The following CSMD1 variants were observed in gnomAD, a reference collection of about 807,000 sequenced individuals.
CSMD1 encodes the protein CUB and sushi domain-containing protein 1.
In CSMD1, 213 loss-of-function variants were observed where a neutral mutation model predicts 417.5. The ratio of observed to expected loss-of-function variants is 0.51; its 90% CI spans 0.46 to 0.57. CSMD1 has a LOEUF of 0.57. Among genes scored for constraint, CSMD1 ranks in the 20% least tolerant of loss-of-function variants. The probability of loss-of-function intolerance (pLI) is 0.00; values close to 1 mark genes in which losing one functional copy is unlikely to be tolerated. For missense variants in CSMD1, 6,923 were observed against 4,529.7 expected, an observed-to-expected ratio of 1.53 and a Z score of -15.17; for synonymous variants, 2,862 against 1,736.8, an observed-to-expected ratio of 1.65 and a Z score of -16.11.
chr8:4,142,946 C>G (rs1797269586), intron 3 of CSMD1, among the ~76,000 whole-genome samples: 1 of 149,708 alleles, frequency 6.7e-6, no homozygotes, highest in Non-Finnish European at 1.5e-5. Context: ...GCATCATAAA[C>G]AGAAATACCC....
intron 5 of CSMD1, among the ~76,000 whole-genome samples, chr8:3,847,690 G>A (rs948552723): frequency 6.6e-6 from 1 of 151,988 alleles, no homozygotes; most frequent in Non-Finnish European, 1.5e-5. Context: ...ACTCAGCCAT[G>A]GAAAAACTAA....
chr8:4,787,784 G>T, intron 1 of CSMD1: 1 of 1,573,130 alleles, frequency 6.4e-7, no homozygotes, highest in Non-Finnish European at 8.7e-7. Flanking sequence ...CTTGTTACAG[G>T]CCAGACTGAA....
chr8:3,990,025 A>T (rs1814626262), intron 5 of CSMD1, among the ~76,000 whole-genome samples: 1 of 152,226 alleles, frequency 6.6e-6, no homozygotes, highest in Non-Finnish European at 1.5e-5. Flanking sequence ...TGATTTGAGG[A>T]ATAAATGAGA....
intron 1 of CSMD1, among the ~76,000 whole-genome samples, chr8:4,813,492 G>A (rs187346268): frequency 1.3e-5 from 2 of 152,224 alleles, no homozygotes; most frequent in African/African-American, 2.4e-5. Context: ...ATCAGAAGCT[G>A]TCTGATTTGC....
rs1554439981 is a variant in CSMD1 at position 3,795,161 on chromosome 8, GATACCTATCATGTACAGCT to G, written c.819-41138_819-41120del. On this transcript the variant is annotated intron_variant, in intron 5 of 69. Coordinates refer to ENST00000635120, the MANE Select transcript of CSMD1 (RefSeq NM_033225.6). ...TAGATATCTATCATGTACAGCTATAGATACCTATCATGTACAGCTATAGATACCTATCATGTACAGATAT... is the reference window on the plus strand; with the variant it reads ...TAGATATCTATCATGTACAGCTATAGATAGATACCTATCATGTACAGATAT... Among the ~76,000 whole-genome samples, 587 of 72,564 alleles carry G rather than the reference GATACCTATCATGTACAGCT, an allele frequency of 8.1e-3. 48 individuals carry two copies. The highest frequency in any genetic ancestry group is 9.2e-3 in the Admixed American group (54 of 5,868). 47.6% of individuals were successfully genotyped at this position (72,564 alleles called of 152,430 possible).
At chr8:4,403,560 C>T (rs76448467) in intron 3 of CSMD1, among the ~76,000 whole-genome samples, 1 of 152,148 alleles carries the variant, frequency 6.6e-6, no homozygotes, top group Non-Finnish European at 1.5e-5. Context: ...CTCTTCCTTC[C>T]TGAAAGGCTT....
intron 1 of CSMD1, among the ~76,000 whole-genome samples, chr8:4,818,556 C>T (rs763054758): frequency 2.0e-5 from 3 of 152,184 alleles, no homozygotes; most frequent in Non-Finnish European, 4.4e-5. Flanking sequence ...CAGAGACACA[C>T]ACACATGTGC....
At chr8:3,273,465 T>C (rs1802030391) in intron 26 of CSMD1, among the ~76,000 whole-genome samples, 3 of 144,934 alleles carry the variant, frequency 2.1e-5, no homozygotes. Flanking sequence ...TTAGGGAGGA[T>C]TCCCTCTTTT....
chr8:4,358,335 G>A (rs903752926), intron 3 of CSMD1, among the ~76,000 whole-genome samples: 2 of 152,162 alleles, frequency 1.3e-5, no homozygotes, highest in Non-Finnish European at 2.9e-5. Context: ...GTTTTGTAAG[G>A]CCCATGAGCT....
intron 25 of CSMD1, among the ~76,000 whole-genome samples, chr8:3,306,473 G>A (rs969149410): frequency 6.6e-6 from 1 of 152,136 alleles, no homozygotes. Flanking sequence ...GCCTGACTTT[G>A]ACCTGTAACT....
chr8:3,839,609 C>T (rs1490721078), intron 5 of CSMD1, among the ~76,000 whole-genome samples: 4 of 136,252 alleles, frequency 2.9e-5, no homozygotes, highest in African/African-American at 1.1e-4. Flanking sequence ...TATATAGTTG[C>T]CCACTGCACT....
At chr8:4,387,435 C>G (rs1803524429) in intron 3 of CSMD1, among the ~76,000 whole-genome samples, 1 of 151,328 alleles carries the variant, frequency 6.6e-6, no homozygotes, top group Admixed American at 6.6e-5. Context: ...AGCATTATGT[C>G]AAGATATGCT....
chr8:4,771,806 T>A (rs1796611207), intron 1 of CSMD1, among the ~76,000 whole-genome samples: 1 of 152,216 alleles, frequency 6.6e-6, no homozygotes, highest in Non-Finnish European at 1.5e-5. Flanking sequence ...TTCCCAAAGT[T>A]TGTTTTTATT....
chr8:4,168,147 AC>A (rs1438035502), intron 3 of CSMD1, among the ~76,000 whole-genome samples: 1 of 510 alleles, frequency 2.0e-3, no homozygotes, highest in East Asian at 0.036. Context: ...AAAAAAATAT[AC>A]ACACACACAC....
chr8:4,124,890 G>A (rs1437789370), intron 3 of CSMD1, among the ~76,000 whole-genome samples: 1 of 152,106 alleles, frequency 6.6e-6, no homozygotes, highest in East Asian at 1.9e-4. Flanking sequence ...AAAGCGGAGG[G>A]GTTATAAGGA....
intron 3 of CSMD1, among the ~76,000 whole-genome samples, chr8:4,178,982 C>A (rs749404058): frequency 1.3e-5 from 2 of 152,164 alleles, no homozygotes; most frequent in East Asian, 3.9e-4. Flanking sequence ...GAATCAATAT[C>A]GTGAAAATGG....
At chr8:2,941,547 A>G (rs1240544818) in intron 69 of CSMD1, among the ~76,000 whole-genome samples, 1 of 152,220 alleles carries the variant, frequency 6.6e-6, no homozygotes, top group Middle Eastern at 3.2e-3. Context: ...ATATATGGAA[A>G]AAATGTACAA....
intron 47 of CSMD1, among the ~76,000 whole-genome samples, chr8:3,092,521 A>G (rs1815012959): frequency 6.6e-6 from 1 of 152,186 alleles, no homozygotes; most frequent in Admixed American, 6.5e-5. Flanking sequence ...GAAGCTTCTA[A>G]ATTTACCTGT....
chr8:4,445,868 C>G (rs1015783358), intron 2 of CSMD1, among the ~76,000 whole-genome samples: 1 of 152,184 alleles, frequency 6.6e-6, no homozygotes, highest in Non-Finnish European at 1.5e-5. Flanking sequence ...TGTTCTCCCG[C>G]TGGAGAAGGG....
Sources: allele counts gnomAD v4.1 joint callset (sites outside exome capture counted in the v4.1 genomes callset), GRCh38; gene constraint gnomAD v4.1.1; transcripts MANE v1.5; gene names NCBI Gene and HGNC (gene_info 2026-07-23, HGNC 2026-07-21).